The following ZNF100 variants were observed in gnomAD, a reference collection of about 807,000 sequenced individuals.
ZNF100 encodes zinc finger protein 100, also known as zinc finger protein 100 (Y1).
ZNF100 carries 12 observed loss-of-function variants against 15.8 expected under a neutral mutation model. The ratio of observed to expected loss-of-function variants is 0.76; its 90% confidence interval spans 0.49 to 1.23. ZNF100 has a LOEUF of 1.23. Among genes scored for constraint, ZNF100 ranks in the 50% most tolerant of loss-of-function variants. The pLI is 0.00. For synonymous variants in ZNF100, 226 were observed against 214.8 expected, an observed-to-expected ratio of 1.05 and a Z score of -0.45; for missense variants, 670 against 635.6, an observed-to-expected ratio of 1.05 and a Z score of -0.58.
At chr19:21,765,849 C>T (rs538845380) in intron 1 of ZNF100, 63 bp from the exon 2 acceptor site, 32 of 1,498,498 alleles carry the variant, frequency 2.1e-5, no homozygotes, top group Middle Eastern at 3.4e-4. Context: ...AGAACCATGG[C>T]GGATATCTCG....
chr19:21,753,913 A>G (rs1258133341), intron 2 of ZNF100, among the ~76,000 whole-genome samples: 1 of 152,196 alleles, frequency 6.6e-6, no homozygotes, highest in Non-Finnish European at 1.5e-5. Context: ...CTGCTATTTA[A>G]GAAATAACTT....
At position 21,724,491 on chromosome 19, in the gene ZNF100, A is replaced by G. The variant is rs1373863857; in HGVS notation, c.*2192T>C. ...TTATTCAGGCCTCAGAAATGTAGGGATTTTATTATACTTCTACATAACTTT... is the reference window on the plus strand; with the variant it reads ...TTATTCAGGCCTCAGAAATGTAGGGGTTTTATTATACTTCTACATAACTTT... On this transcript the variant is annotated 3_prime_UTR_variant, in exon 5 of 5. Transcript: ENST00000358296. 1.3e-5 allele frequency: 2 copies of G among 152,180 alleles called. No homozygotes were observed. Among genetic ancestry groups the G allele is most frequent in the African/African-American group, 4.8e-5 (2 of 41,450 alleles). 9.4% of individuals were successfully genotyped at this position (152,180 alleles called of 1,614,324 possible). A position where few individuals can be genotyped will look rare whatever the true frequency, so the allele number is the denominator to read the frequency against.
chr19:21,728,000 T>G lies in ZNF100; in HGVS notation c.323-11A>C. ...AATGAGAACATATAACTGAAAGAAA[T>G]AAAAATAACAAATTACTTTACTTAC... On this transcript the variant is annotated splice_polypyrimidine_tract_variant and intron_variant, in intron 4 of 4. Transcript: ENST00000358296. 1 of 1,486,860 alleles carries G rather than the reference T, an allele frequency of 6.7e-7. No homozygotes were observed. Among genetic ancestry groups the G allele is most frequent in the South Asian group, 1.5e-5 (1 of 68,482 alleles). 92.1% of individuals were successfully genotyped at this position (1,486,860 alleles called of 1,614,324 possible). A position where few individuals can be genotyped will look rare whatever the true frequency, so the allele number is the denominator to read the frequency against.
chr19:21,743,921 G>T, intron 4 of ZNF100, 96 bp downstream of exon 4: 2 of 1,145,404 alleles, frequency 1.7e-6, no homozygotes, highest in Non-Finnish European at 2.3e-6. Flanking sequence ...TATTTCCTTT[G>T]GAACATAGCT....
chr19:21,762,349 G>C (rs1295279636), intron 2 of ZNF100, among the ~76,000 whole-genome samples: 2 of 152,186 alleles, frequency 1.3e-5, no homozygotes, highest in Non-Finnish European at 2.9e-5. Flanking sequence ...TCCAACAAAT[G>C]CCCAGTTCAT....
At chr19:21,739,252 G>A (rs528812378) in intron 4 of ZNF100, among the ~76,000 whole-genome samples, 19 of 152,296 alleles carry the variant, frequency 1.2e-4, no homozygotes, top group African/African-American at 4.3e-4. Context: ...TATTCTGTTA[G>A]AACACATAAC....
intron 2 of ZNF100, chr19:21,750,970 G>A (rs1199963029): frequency 4.0e-6 from 4 of 1,011,454 alleles, no homozygotes; most frequent in Admixed American, 5.2e-5. Flanking sequence ...ATGCGGTGGC[G>A]GTAGCGCCCG....
chr19:21,729,024 T>C (rs2035866131), intron 4 of ZNF100, among the ~76,000 whole-genome samples: 1 of 150,730 alleles, frequency 6.6e-6, no homozygotes, highest in Admixed American at 6.6e-5. Flanking sequence ...ACAAACAAAC[T>C]AGGAAACACA....
At chr19:21,757,797 A>G (rs193005242) in intron 2 of ZNF100, among the ~76,000 whole-genome samples, 5 of 152,276 alleles carry the variant, frequency 3.3e-5, no homozygotes, top group Admixed American at 3.3e-4. Context: ...GCACTTTGGG[A>G]GGCCAAGGCA....
rs2036584957 is a variant in ZNF100 at position 21,767,492 on chromosome 19, G to A, written c.-63C>T. 22 of 1,611,564 alleles carry A rather than the reference G, an allele frequency of 1.4e-5. No individual in the cohort carries two copies. In the South Asian group the frequency reaches 2.0e-4, roughly 14 times the overall value. On this transcript the variant is annotated 5_prime_UTR_variant, in exon 1 of 5. Coordinates refer to ENST00000358296, the MANE Select transcript of ZNF100 (RefSeq NM_173531.4). ...GATCTCCCAATATCTGCAGGTCAGA[G>A]GGCCACACAGGCTAGGCCCCTAGGA... is the stretch of plus-strand genomic sequence containing the variant.
At chr19:21,741,211 T>A (rs1319962632) in intron 4 of ZNF100, among the ~76,000 whole-genome samples, 1 of 152,156 alleles carries the variant, frequency 6.6e-6, no homozygotes, top group Non-Finnish European at 1.5e-5. Flanking sequence ...GTCACACTCA[T>A]AAAAACAGAA....
At chr19:21,743,972 T>G in intron 4 of ZNF100, 45 bp downstream of exon 4, 1 of 1,559,910 alleles carries the variant, frequency 6.4e-7, no homozygotes, top group Non-Finnish European at 8.7e-7. Flanking sequence ...TTTTTGACCT[T>G]TGGACCTCAC....
At chr19:21,738,392 C>T (rs1018366752) in intron 4 of ZNF100, among the ~76,000 whole-genome samples, 4 of 150,746 alleles carry the variant, frequency 2.7e-5, no homozygotes, top group Admixed American at 2.6e-4. Context: ...CTGGAGGCAT[C>T]ATGCTATCCA....
intron 2 of ZNF100, among the ~76,000 whole-genome samples, chr19:21,759,027 C>T (rs1473140551): frequency 6.6e-6 from 1 of 152,146 alleles, no homozygotes; most frequent in Non-Finnish European, 1.5e-5. Flanking sequence ...AACTCAATGT[C>T]TAACATTCGA....
chr19:21,727,907 A>T lies in ZNF100; in HGVS notation c.405T>A (p.Tyr135Ter). 6.2e-7 allele frequency: 1 copy of T among 1,600,046 alleles called. No homozygotes were observed. Among genetic ancestry groups the T allele is most frequent in the East Asian group, 2.2e-5 (1 of 44,720 alleles). ...GTAAATTGTCATGTCCATATTTTCC[A>T]TATTTTTTCAGAATCGCTTCTTGAA... Reference protein sequence around the residue: ...DSFQEAILKKYGKYGHDNLQL... With the variant: ...DSFQEAILKK Residue 135 changes from tyrosine to a stop codon, truncating the protein, a stop_gained, in exon 5 of 5, where the codon TAT (tyrosine) becomes TAA (stop). Coordinates refer to ENST00000358296, the MANE Select transcript of ZNF100 (RefSeq NM_173531.4). LOFTEE classifies it low-confidence loss of function (END_TRUNC).
chr19:21,751,732 C>T, intron 2 of ZNF100: 1 of 1,265,554 alleles, frequency 7.9e-7, no homozygotes, highest in South Asian at 1.3e-5. Context: ...ACTACCTTGA[C>T]CATCGCTCCT....
chr19:21,727,363 A>T lies in ZNF100; in HGVS notation c.949T>A (p.Tyr317Asn), dbSNP rs1403796818. The change falls in exon 5 of 5, where the codon TAC becomes AAC. Residue 317 changes from tyrosine (Y) to asparagine (N), a missense_variant. By Grantham distance (143) the Tyr-to-Asn change is moderately radical. Coordinates refer to ENST00000358296, the MANE Select transcript of ZNF100 (RefSeq NM_173531.4). ...GCTTTGCCACATTCTGTACATTTGT[A>T]GGGTTTCACTCCAGTATGAATTCTT... ...HKRIHTGVKPYKCTECGKAFN... is the reference protein window; with the variant it reads ...HKRIHTGVKPNKCTECGKAFN... The T allele has an allele frequency of 6.2e-7, 1 of 1,612,976 alleles. No individual in the cohort carries two copies. Among genetic ancestry groups the T allele is most frequent in the Non-Finnish European group, 8.5e-7 (1 of 1,179,780 alleles).
intron 3 of ZNF100, 41 bp from the exon 4 acceptor site, chr19:21,744,156 C>G (rs1343522481): frequency 1.3e-6 from 2 of 1,551,440 alleles, no homozygotes; most frequent in African/African-American, 1.4e-5. Context: ...CTCATATTCT[C>G]CAATTACCAA....
intron 4 of ZNF100, among the ~76,000 whole-genome samples, chr19:21,737,512 G>C (rs1318903932): frequency 6.6e-6 from 1 of 151,292 alleles, no homozygotes; most frequent in Non-Finnish European, 1.5e-5. Flanking sequence ...TCCAGCCTGG[G>C]GGACAAGAGT....
Sources: gnomAD v4.1 joint callset for allele counts (sites outside exome capture counted in the v4.1 genomes callset) on GRCh38, gnomAD v4.1.1 for gene constraint, MANE v1.5 for transcripts, NCBI Gene and HGNC (gene_info 2026-07-23, HGNC 2026-07-21) for gene names.